The following DSCAML1 variants were observed in gnomAD, a reference collection of about 807,000 sequenced individuals.
DSCAML1 encodes DS cell adhesion molecule like 1.
In DSCAML1, 38 loss-of-function variants were observed where a neutral mutation model predicts 200.5. That is an observed-to-expected ratio of 0.19 (90% CI 0.15 to 0.25). The LOEUF (loss-of-function observed/expected upper bound fraction) is 0.25, where lower values mean the gene tolerates loss of function less well. Ranked by LOEUF, DSCAML1 falls within the 10% of genes least tolerant of loss-of-function variation. The probability of loss-of-function intolerance (pLI) is 1.00; values close to 1 mark genes in which losing one functional copy is unlikely to be tolerated. For synonymous variants in DSCAML1, 1,215 were observed against 1,165.0 expected (o/e 1.04, Z -0.87); for missense variants, 2,223 against 2,858.8 (o/e 0.78, Z 5.07).
chr11:117,517,830 G>A (rs1202510820), intron 7 of DSCAML1, among the ~76,000 whole-genome samples: 1 of 152,222 alleles, frequency 6.6e-6, no homozygotes, highest in Non-Finnish European at 1.5e-5. Context: ...TTGAAGAACT[G>A]AGATGTGGGG....
intron 3 of DSCAML1, among the ~76,000 whole-genome samples, chr11:117,543,958 C>T (rs928328685): frequency 6.6e-6 from 1 of 152,122 alleles, no homozygotes; most frequent in Admixed American, 6.5e-5. Context: ...AAACCAGAAG[C>T]TGAGGAAGGG....
At chr11:117,593,182 G>T (rs1043811690) in intron 3 of DSCAML1, among the ~76,000 whole-genome samples, 1 of 152,034 alleles carries the variant, frequency 6.6e-6, no homozygotes, top group Non-Finnish European at 1.5e-5. Context: ...GCCCTCGGCG[G>T]TGCCCACACA....
chr11:117,780,309 A>G lies in DSCAML1; in HGVS notation c.364+184T>C, dbSNP rs1264798817. On this transcript the variant is annotated intron_variant, in intron 2 of 32. Coordinates refer to ENST00000651296, the MANE Select transcript of DSCAML1 (RefSeq NM_020693.4). This position sits in a 1 kb window ranked among gnomAD's most constrained non-coding sequence, Gnocchi z 4.8. ...GAAAGAAAGAAAGAAAGAAAGAGAG[A>G]AAGGAGAAAGAAAGGTGTCTCTTAT... 6.6e-6 allele frequency among the ~76,000 whole-genome samples: 1 copy of G among 151,244 alleles called. No individual in the cohort carries two copies. Among genetic ancestry groups the G allele is most frequent in the African/African-American group, 2.4e-5 (1 of 41,234 alleles).
intron 27 of DSCAML1, among the ~76,000 whole-genome samples, chr11:117,435,320 C>T (rs12271740): frequency 0.037 from 5,705 of 152,270 alleles, 364 homozygotes; most frequent in African/African-American, 0.13. Flanking sequence ...ATGAAGCATC[C>T]AGTGTGGAAA....
chr11:117,502,705 G>A (rs2049419300), intron 11 of DSCAML1, among the ~76,000 whole-genome samples: 1 of 152,162 alleles, frequency 6.6e-6, no homozygotes, highest in Admixed American at 6.5e-5. Context: ...CCTGCACCCT[G>A]GAGGGACTGC....
At chr11:117,572,101 G>A (rs1425198116) in intron 3 of DSCAML1, among the ~76,000 whole-genome samples, 1 of 152,194 alleles carries the variant, frequency 6.6e-6, no homozygotes. Context: ...CTCTGTTTAT[G>A]GAATAGCCAT....
rs371693849 is a variant in DSCAML1, at chr11:117,776,777, G to T, written c.511+14C>A. 1.2e-6 allele frequency: 2 copies of T among 1,613,894 alleles called. No individual in the cohort carries two copies. The highest frequency in any genetic ancestry group is 8.5e-7 in the Non-Finnish European group (1 of 1,179,936). On this transcript the variant is annotated intron_variant, in intron 3 of 32. Coordinates refer to ENST00000651296, the MANE Select transcript of DSCAML1 (RefSeq NM_020693.4). ...GAGCACCTCTGTCTGCCGCAGCCCC[G>T]GGACGCTTCTTACCTGGGATGATGG...
intron 21 of DSCAML1, among the ~76,000 whole-genome samples, chr11:117,442,324 AGT>A (rs1433527310): frequency 6.9e-6 from 1 of 145,944 alleles, no homozygotes; most frequent in Non-Finnish European, 1.5e-5. Context: ...TGCATGTATT[AGT>A]GTGTATAGTG....
chr11:117,694,057 TTATATATA>T lies in DSCAML1; in HGVS notation c.511+82726_511+82733del, dbSNP rs35313833. ...CCTCTGTCATTTTTAGGTTCTATCTTTATATATATATATATATATATACACATATATAT... is the reference window on the plus strand; with the variant it reads ...CCTCTGTCATTTTTAGGTTCTATCTTTATATATATATATACACATATATAT... On this transcript the variant is annotated intron_variant, in intron 3 of 32. Coordinates refer to ENST00000651296, the MANE Select transcript of DSCAML1 (RefSeq NM_020693.4). 2.6e-5 allele frequency among the ~76,000 whole-genome samples: 3 copies of T among 116,636 alleles called. No individual in the cohort carries two copies. The East Asian group carries it at 7.7e-4, about 30-fold the overall frequency. 76.5% of individuals were successfully genotyped at this position (116,636 alleles called of 152,430 possible).
intron 3 of DSCAML1, among the ~76,000 whole-genome samples, chr11:117,635,632 G>C (rs1226460517): frequency 6.6e-6 from 1 of 151,920 alleles, no homozygotes; most frequent in East Asian, 1.9e-4. Flanking sequence ...AGGGAGATCA[G>C]AGGGATCAAA....
At chr11:117,695,452 G>C (rs73596608) in intron 3 of DSCAML1, among the ~76,000 whole-genome samples, 1 of 151,852 alleles carries the variant, frequency 6.6e-6, no homozygotes, top group African/African-American at 2.4e-5. Context: ...TGTTCCGGGG[G>C]TGGTTAGAAT....
chr11:117,545,222 T>A (rs2050348287), intron 3 of DSCAML1, among the ~76,000 whole-genome samples: 1 of 134,364 alleles, frequency 7.4e-6, no homozygotes, highest in African/African-American at 2.9e-5. Context: ...AGAGCAAGAT[T>A]CCGTAAAAAA....
At chr11:117,554,996 G>A (rs1591259951) in intron 3 of DSCAML1, among the ~76,000 whole-genome samples, 1 of 152,134 alleles carries the variant, frequency 6.6e-6, no homozygotes, top group South Asian at 2.1e-4. Context: ...TCACATGATG[G>A]CACCTTGCAT....
intron 22 of DSCAML1, 133 bp downstream of exon 22, chr11:117,439,686 A>G (rs1592576972): frequency 1.1e-6 from 1 of 893,276 alleles, no homozygotes; most frequent in Non-Finnish European, 1.8e-6. Context: ...GTAGCAGCAC[A>G]CCCTGCAGGG....
At chr11:117,557,803 CTA>C (rs1491313486) in intron 3 of DSCAML1, among the ~76,000 whole-genome samples, 2 of 149,628 alleles carry the variant, frequency 1.3e-5, no homozygotes, top group African/African-American at 5.0e-5. Flanking sequence ...GGGCCTAGAT[CTA>C]TCTAGGGTGT....
chr11:117,496,911 C>T (rs1008075413), intron 11 of DSCAML1, among the ~76,000 whole-genome samples: 4 of 152,218 alleles, frequency 2.6e-5, no homozygotes, highest in East Asian at 1.9e-4. Flanking sequence ...TTTGTACAAA[C>T]GTCCACTTTG....
Position 117,797,106 on chromosome 11 carries a change from G to A in DSCAML1, c.-27C>T. ...CCATAAAGAGGCCCTATTCTCCGGG[G>A]AGGTGGTCCTGTGGCCGGCCGTGCG... On this transcript the variant is annotated 5_prime_UTR_variant, in exon 1 of 33. Transcript: ENST00000651296. 2 of 1,589,446 alleles carry A rather than the reference G, an allele frequency of 1.3e-6. No individual in the cohort carries two copies. Among genetic ancestry groups the A allele is most frequent in the Non-Finnish European group, 1.7e-6 (2 of 1,168,650 alleles).
At chr11:117,514,011 T>C (rs1424039169) in intron 8 of DSCAML1, among the ~76,000 whole-genome samples, 1 of 152,192 alleles carries the variant, frequency 6.6e-6, no homozygotes, top group Non-Finnish European at 1.5e-5. Flanking sequence ...TGATATCACA[T>C]GCTTGAGGGT....
chr11:117,561,857 G>A (rs1015669860), intron 3 of DSCAML1, among the ~76,000 whole-genome samples: 6 of 152,206 alleles, frequency 3.9e-5, no homozygotes, highest in African/African-American at 4.8e-5. Context: ...AGAGTACAGC[G>A]TCAGGTCTGC....
Sources: allele counts gnomAD v4.1 joint callset (sites outside exome capture counted in the v4.1 genomes callset), GRCh38; gene constraint gnomAD v4.1.1; non-coding constraint Gnocchi (gnomAD v3.1); transcripts MANE v1.5; gene names NCBI Gene and HGNC (gene_info 2026-07-23, HGNC 2026-07-21).